DMD: variants seen among roughly 807,000 people sequenced by gnomAD.
DMD encodes mutant dystrophin.
DMD carries 63 observed loss-of-function variants against 330.1 expected under a neutral mutation model. The ratio of observed to expected loss-of-function variants is 0.19; its 90% CI spans 0.16 to 0.24. The LOEUF (loss-of-function observed/expected upper bound fraction) is 0.24, where lower values mean the gene tolerates loss of function less well. Ranked by LOEUF, DMD falls within the 10% of genes least tolerant of loss-of-function variation. The pLI, the probability that DMD is intolerant of heterozygous loss-of-function variation, is 1.00. For missense variants in DMD, 3,344 were observed against 2,684.1 expected (o/e 1.25, Z -5.43); for synonymous variants, 1,223 against 959.8 (o/e 1.27, Z -5.07).
chrX:33,209,435 T>C (rs2051768255), intron 1 of DMD, among the ~76,000 whole-genome samples: 1 of 111,851 alleles, frequency 8.9e-6, no homozygotes, highest in Admixed American at 9.5e-5. Flanking sequence ...TGAATAATTC[T>C]TTACAATGCA....
At chrX:31,473,979 C>T (rs1021604776) in intron 59 of DMD, among the ~76,000 whole-genome samples, 1 of 111,572 alleles carries the variant, frequency 9.0e-6, no homozygotes, top group Non-Finnish European at 1.9e-5. Context: ...TGATCTTGCC[C>T]TTAAAATATT....
chrX:32,731,201 G>C (rs913982412), intron 7 of DMD, among the ~76,000 whole-genome samples: 21 of 112,135 alleles, frequency 1.9e-4, no homozygotes, highest in African/African-American at 6.5e-4. Context: ...GCGTGTTTCC[G>C]ACGGGCTTAA....
In DMD at chrX:32,386,571, T is replaced by G. The variant is rs1304434596; in HGVS notation, c.4519-106A>C. 5.4e-6 allele frequency: 4 copies of G among 744,520 alleles called. No individual in the cohort carries two copies. In the African/African-American group the frequency reaches 6.4e-5, roughly 12 times the overall value. The allele number at this position is 744,520 out of a possible 1,213,427, so 61.4% of individuals were successfully genotyped here. ...ATCCCCTTAATTGCTATTCCATGTT[T>G]GAAATTTTAATAGAGTAGCATTTTG... On this transcript the variant is annotated intron_variant, in intron 32 of 78. Coordinates refer to ENST00000357033, the MANE Select transcript of DMD (RefSeq NM_004006.3).
Position 32,565,684 on chromosome X carries a change from A to T in DMD, c.1992+18T>A, listed in dbSNP as rs372722874. ...AATCTCTGAGATAGTCTGTAGCATG[A>T]TAATTGGTATCACTAACCTGTGCTG... On this transcript the variant is annotated intron_variant, in intron 16 of 78. Coordinates refer to ENST00000357033, the MANE Select transcript of DMD (RefSeq NM_004006.3). 8.3e-7 allele frequency: 1 copy of T among 1,202,091 alleles called. No individual in the cohort carries two copies.
At chrX:31,921,350 G>C (rs2094687261) in intron 47 of DMD, among the ~76,000 whole-genome samples, 1 of 112,165 alleles carries the variant, frequency 8.9e-6, no homozygotes. Flanking sequence ...TGAAATGCTA[G>C]TTGGTCATAG....
At chrX:32,420,739 G>A in intron 29 of DMD, among the ~76,000 whole-genome samples, 1 of 111,746 alleles carries the variant, frequency 8.9e-6, no homozygotes. Flanking sequence ...ATGATGTATG[G>A]GAAGCAAATT....
chrX:32,449,150 T>C (rs1404317147), intron 26 of DMD, among the ~76,000 whole-genome samples: 2 of 110,830 alleles, frequency 1.8e-5, no homozygotes, highest in African/African-American at 6.5e-5. Context: ...CGTTCGAGAA[T>C]TGAAAACACA....
chrX:32,656,747 C>T (rs1007260477), intron 9 of DMD, among the ~76,000 whole-genome samples: 32 of 111,590 alleles, frequency 2.9e-4, no homozygotes, highest in African/African-American at 1.0e-3. Flanking sequence ...ACACTGACCC[C>T]GTGCCTAACA....
chrX:31,805,866 C>T (rs1212249170), intron 50 of DMD, among the ~76,000 whole-genome samples: 2 of 112,385 alleles, frequency 1.8e-5, no homozygotes, highest in African/African-American at 6.5e-5. Flanking sequence ...CCTTTATTAG[C>T]TACAAGGAAT....
intron 16 of DMD, among the ~76,000 whole-genome samples, chrX:32,550,113 G>T (rs932950850): frequency 9.0e-6 from 1 of 111,490 alleles, no homozygotes; most frequent in Non-Finnish European, 1.9e-5. Flanking sequence ...ACAGCTTATT[G>T]CTCCTAGCTA....
At position 31,941,030 on chromosome X, in the gene DMD, T is replaced by G. The variant is rs769571765; in HGVS notation, c.6615-8803A>C. ...ATGTTTGGGAAATCTCAGACTGAAC[T>G]GTGTTCTCCAATGCTACTTTAATAG... On this transcript the variant is annotated intron_variant, in intron 45 of 78. Coordinates refer to ENST00000357033, the MANE Select transcript of DMD (RefSeq NM_004006.3). Among the ~76,000 whole-genome samples the G allele has an allele frequency of 4.5e-5, 5 of 111,900 alleles. No homozygotes were observed. The East Asian group carries it at 1.4e-3, about 31-fold the overall frequency.
chrX:32,778,888 TCA>T (rs778116589), intron 7 of DMD, among the ~76,000 whole-genome samples: 1 of 111,476 alleles, frequency 9.0e-6, no homozygotes, highest in South Asian at 3.8e-4. Flanking sequence ...TGTACTATAC[TCA>T]CAGGTTCTAG....
intron 13 of DMD, among the ~76,000 whole-genome samples, chrX:32,587,298 T>G (rs975314741): frequency 9.0e-6 from 1 of 111,476 alleles, no homozygotes; most frequent in Admixed American, 9.6e-5. Flanking sequence ...TTGTAACCTG[T>G]GTGATACTCA....
chrX:31,951,174 T>C (rs1180984535), intron 45 of DMD, among the ~76,000 whole-genome samples: 1 of 95,585 alleles, frequency 1.0e-5, no homozygotes, highest in Admixed American at 1.2e-4. Flanking sequence ...TATATATATA[T>C]GTATATATAT....
chrX:32,535,781 G>C (rs994346092), intron 17 of DMD, among the ~76,000 whole-genome samples: 1 of 111,297 alleles, frequency 9.0e-6, no homozygotes, highest in Non-Finnish European at 1.9e-5. Context: ...ACAAAACCTG[G>C]AAAATCCCTC....
chrX:31,845,107 A>G (rs958136486), intron 48 of DMD, among the ~76,000 whole-genome samples: 2 of 104,144 alleles, frequency 1.9e-5, no homozygotes, highest in African/African-American at 7.2e-5. Flanking sequence ...CTATGAAGAA[A>G]GATTAAAAAG....
chrX:32,809,602 T>C lies in DMD; in HGVS notation c.540A>G (p.Leu180=), dbSNP rs1425439334. 1 of 1,206,869 alleles carries C rather than the reference T, an allele frequency of 8.3e-7. No individual in the cohort carries two copies. Among genetic ancestry groups the C allele is most frequent in the East Asian group, 3.0e-5 (1 of 33,695 alleles). The change falls in exon 7 of 79, where the codon CTA becomes CTG. Residue 180 remains leucine, a synonymous_variant. Transcript: ENST00000357033. ...GGCAAACCACACTATTCCAGTCAAA[T>C]AGGTCTGGCCTAAAACACATACACA... is the stretch of plus-strand genomic sequence containing the variant. ...NALIHSHRPD[L]FDWNSVVCQQ...
At chrX:32,455,979 A>G (rs989292953) in intron 25 of DMD, among the ~76,000 whole-genome samples, 2 of 111,380 alleles carry the variant, frequency 1.8e-5, no homozygotes, top group African/African-American at 6.5e-5. Context: ...AAGGCACTCT[A>G]TAGTATTACA....
intron 1 of DMD, among the ~76,000 whole-genome samples, chrX:33,035,069 C>T (rs1441105654): frequency 9.0e-6 from 1 of 111,588 alleles, no homozygotes; most frequent in Admixed American, 9.5e-5. Context: ...TAAAAGGGCT[C>T]CATGGTTTGA....
Sources: allele counts gnomAD v4.1 joint callset (sites outside exome capture counted in the v4.1 genomes callset), GRCh38; gene constraint gnomAD v4.1.1; transcripts MANE v1.5; gene names NCBI Gene and HGNC (gene_info 2026-07-23, HGNC 2026-07-21).